PCM1: variants seen among roughly 807,000 people sequenced by gnomAD.
The protein encoded by PCM1 is pericentriolar material 1 protein.
In PCM1, 157 loss-of-function variants were observed where a neutral mutation model predicts 241.9. That is an observed-to-expected ratio of 0.65 (90% CI 0.57 to 0.74). The LOEUF (loss-of-function observed/expected upper bound fraction) is 0.74, where lower values mean the gene tolerates loss of function less well. PCM1 is among the 30% of genes least tolerant of loss of function. PCM1 has a pLI of 0.00. For missense variants in PCM1, 3,478 were observed against 2,360.1 expected (o/e 1.47, Z -9.81); for synonymous variants, 1,085 against 784.9 (o/e 1.38, Z -6.39).
chr8:17,979,981 G>A (rs2080136432), intron 23 of PCM1, among the ~76,000 whole-genome samples: 1 of 151,630 alleles, frequency 6.6e-6, no homozygotes, highest in East Asian at 1.9e-4. Context: ...CCCAAATATT[G>A]GAATTTAATA....
At chr8:17,962,582 C>A (rs1387660491) in intron 16 of PCM1, among the ~76,000 whole-genome samples, 3 of 151,884 alleles carry the variant, frequency 2.0e-5, no homozygotes, top group Non-Finnish European at 4.4e-5. Flanking sequence ...TAAATAATTT[C>A]TGAAGTATAT....
In PCM1 at chr8:17,935,662, C is replaced by T. The variant is rs759079805; in HGVS notation, c.52C>T (p.Pro18Ser). ...AGATGGCATGAATGATCAGGATTTA[C>T]CAAACTGGAGTAATGAGAATGTTGA... ...FEDGMNDQDLPNWSNENVDDR... is the reference protein window; with the variant it reads ...FEDGMNDQDLSNWSNENVDDR... Residue 18 changes from proline (P) to serine (S), a missense_variant, in exon 3 of 39, where the codon CCA (proline) becomes TCA (serine). Coordinates refer to ENST00000325083, the MANE Select transcript of PCM1 (RefSeq NM_006197.4). 1.4e-5 allele frequency: 22 copies of T among 1,561,232 alleles called. No homozygotes were observed. The highest frequency in any genetic ancestry group is 1.7e-5 in the Non-Finnish European group (19 of 1,132,364).
rs1013671857 is a variant in PCM1 at position 17,939,931 on chromosome 8, C to G, written c.783+70C>G. On this transcript the variant is annotated intron_variant, in intron 6 of 38. Coordinates refer to ENST00000325083, the MANE Select transcript of PCM1 (RefSeq NM_006197.4). ...TCAGTGTGTATTTACTGATGACATTCTGATGCCACCCCAGAGGAGTTAACA... is the reference window on the plus strand; with the variant it reads ...TCAGTGTGTATTTACTGATGACATTGTGATGCCACCCCAGAGGAGTTAACA... 4.1e-5 allele frequency: 45 copies of G among 1,108,634 alleles called. No homozygotes were observed. The Middle Eastern group carries it at 8.4e-4, about 21-fold the overall frequency. The allele number at this position is 1,108,634 out of a possible 1,614,324, so 68.7% of individuals were successfully genotyped here. A position where few individuals can be genotyped will look rare whatever the true frequency, so the allele number is the denominator to read the frequency against.
intron 11 of PCM1, among the ~76,000 whole-genome samples, 153 bp from the exon 12 acceptor site, chr8:17,957,111 T>G (rs917550295): frequency 6.6e-6 from 1 of 152,210 alleles, no homozygotes; most frequent in African/African-American, 2.4e-5. Flanking sequence ...CAGAAGTTAA[T>G]GAAAAGCAGG....
intron 25 of PCM1, 116 bp from the exon 26 acceptor site, chr8:17,985,843 G>A (rs1248499458): frequency 2.6e-6 from 2 of 779,598 alleles, no homozygotes; most frequent in African/African-American, 3.6e-5. Context: ...CTTAACCTGT[G>A]AGGGTAGAAA....
chr8:17,995,934 GTCTTTAGGCTT>G (rs1401541924), intron 29 of PCM1, among the ~76,000 whole-genome samples: 1 of 152,116 alleles, frequency 6.6e-6, no homozygotes, highest in East Asian at 1.9e-4. Context: ...TTCTTGTGGA[GTCTTTAGGCTT>G]TTCCAAGTAT....
intron 4 of PCM1, among the ~76,000 whole-genome samples, chr8:17,937,766 T>A (rs1469103019): frequency 6.6e-6 from 1 of 152,184 alleles, no homozygotes; most frequent in African/African-American, 2.4e-5. Flanking sequence ...AGAATGAAAC[T>A]ATTTTCTGTT....
At chr8:17,977,434 G>T (rs190978816) in intron 23 of PCM1, among the ~76,000 whole-genome samples, 1 of 152,300 alleles carries the variant, frequency 6.6e-6, no homozygotes, top group East Asian at 1.9e-4. Context: ...ATAATAAATT[G>T]ACAATATTTG....
chr8:17,944,147 A>G (rs1010896946), intron 6 of PCM1, among the ~76,000 whole-genome samples: 3 of 151,978 alleles, frequency 2.0e-5, no homozygotes, highest in African/African-American at 4.8e-5. Flanking sequence ...TTTTGCCATT[A>G]TTTTCATCAT....
chr8:17,934,980 C>G (rs1178955181), intron 2 of PCM1: 1 of 152,214 alleles, frequency 6.6e-6, no homozygotes, highest in Non-Finnish European at 1.5e-5. Flanking sequence ...ACAAATTAAA[C>G]TAGGGTAGTA....
intron 4 of PCM1, 141 bp downstream of exon 4, chr8:17,937,520 A>G: frequency 3.0e-6 from 2 of 674,988 alleles, no homozygotes; most frequent in Non-Finnish European, 4.8e-6. Flanking sequence ...AAGAATTTTA[A>G]TCACTGGGGA....
Position 17,957,557 on chromosome 8 carries a change from G to A in PCM1, c.1822G>A (p.Glu608Lys). 6.3e-7 allele frequency: 1 copy of A among 1,578,780 alleles called. No homozygotes were observed. Among genetic ancestry groups the A allele is most frequent in the Non-Finnish European group, 8.6e-7 (1 of 1,160,474 alleles). The change falls in exon 13 of 39, where the codon GAA (glutamate) becomes AAA (lysine). Residue 608 changes from glutamate to lysine, a missense_variant. Physicochemically the swap from Glu to Lys is moderately conservative, Grantham distance 56 (BLOSUM62 1). Coordinates refer to ENST00000325083, the MANE Select transcript of PCM1 (RefSeq NM_006197.4). ...TTCAGCAGATTGTCGATATAATAGA[G>A]AAGGGGAACAGGAGATTCATGTTGC... is the stretch of plus-strand genomic sequence containing the variant. ...PPSLDCRYNR[E>K]GEQEIHVAQG...
chr8:17,991,671 G>C lies in PCM1; in HGVS notation c.4661G>C (p.Gly1554Ala). 1 of 1,558,036 alleles carries C rather than the reference G, an allele frequency of 6.4e-7. No individual in the cohort carries two copies. Among genetic ancestry groups the C allele is most frequent in the Non-Finnish European group, 8.7e-7 (1 of 1,150,200 alleles). Residue 1554 changes from glycine to alanine, a missense_variant, in exon 28 of 39, where the codon GGT becomes GCT. Coordinates refer to ENST00000325083, the MANE Select transcript of PCM1 (RefSeq NM_006197.4). Reference protein sequence around the residue: ...CRIIEDGDGAGAGTTVNNLEE... With the variant: ...CRIIEDGDGAAAGTTVNNLEE... ...ATTATTGAGGATGGAGATGGTGCTG[G>C]TGCAGGTACTACAGTTAATAATTTA...
chr8:18,006,777 C>G (rs1203297774), intron 30 of PCM1, among the ~76,000 whole-genome samples: 1 of 152,160 alleles, frequency 6.6e-6, no homozygotes, highest in African/African-American at 2.4e-5. Flanking sequence ...CAGAGACCAG[C>G]TGGTTGTAGA....
At position 17,947,187 on chromosome 8, in the gene PCM1, C is replaced by A. The variant is rs370288469; in HGVS notation, c.785C>A (p.Ala262Asp). The change falls in exon 7 of 39, where the codon GCC (alanine) becomes GAC (aspartate). Residue 262 changes from alanine to aspartate, a missense_variant and splice_region_variant. By Grantham distance (126) the Ala-to-Asp change is moderately radical (BLOSUM62 -2). Transcript: ENST00000325083. Reference protein sequence around the residue: ...SYMKFLKKILARDPQQEPMEE... With the variant: ...SYMKFLKKILDRDPQQEPMEE... ...AGTATTGTTGGTCTTATTTTCCAGG[C>A]CAGAGATCCTCAGCAGGAGCCTATG... 13 of 1,581,334 alleles carry A rather than the reference C, an allele frequency of 8.2e-6. No homozygotes were observed. Among genetic ancestry groups the A allele is most frequent in the Non-Finnish European group, 1.1e-5 (13 of 1,160,734 alleles).
intron 22 of PCM1, among the ~76,000 whole-genome samples, chr8:17,970,587 G>C (rs554668705): frequency 6.6e-6 from 1 of 151,964 alleles, no homozygotes; most frequent in East Asian, 1.9e-4. Context: ...GCTCTATAAA[G>C]GTATTCTGTT....
intron 15 of PCM1, among the ~76,000 whole-genome samples, 167 bp from the exon 16 acceptor site, chr8:17,961,867 T>A (rs2072368385): frequency 6.6e-6 from 1 of 152,220 alleles, no homozygotes; most frequent in Non-Finnish European, 1.5e-5. Context: ...TGTTTTCATC[T>A]TTGTTTTCTT....
At chr8:17,964,446 A>T in intron 17 of PCM1, 122 bp from the exon 18 acceptor site, 2 of 674,846 alleles carry the variant, frequency 3.0e-6, no homozygotes, top group Non-Finnish European at 4.9e-6. Context: ...TATTGTGATT[A>T]AATGAAATTT....
chr8:18,028,303 G>A lies in PCM1; in HGVS notation c.*641G>A, dbSNP rs2094359387. ...TTAGAACATAGGTTCTCAGTATCTA[G>A]AACTTACATCATTATCATCTGTTTG... is the stretch of plus-strand genomic sequence containing the variant. On this transcript the variant is annotated 3_prime_UTR_variant, in exon 39 of 39. Coordinates refer to ENST00000325083, the MANE Select transcript of PCM1 (RefSeq NM_006197.4). 9.0e-6 allele frequency: 1 copy of A among 111,378 alleles called. No homozygotes were observed. The highest frequency in any genetic ancestry group is 5.9e-5 in the African/African-American group (1 of 16,974). 6.9% of individuals were successfully genotyped at this position (111,378 alleles called of 1,614,324 possible). A position where few individuals can be genotyped will look rare whatever the true frequency, so the allele number is the denominator to read the frequency against.
Sources: allele counts gnomAD v4.1 joint callset (sites outside exome capture counted in the v4.1 genomes callset), GRCh38; gene constraint gnomAD v4.1.1; transcripts MANE v1.5; gene names NCBI Gene and HGNC (gene_info 2026-07-23, HGNC 2026-07-21).